ADAM10: variants seen among roughly 807,000 people sequenced by gnomAD.
ADAM10 encodes disintegrin and metalloproteinase domain-containing protein 10.
ADAM10 carries 17 observed loss-of-function variants against 90.1 expected under a neutral mutation model. That is an observed-to-expected ratio of 0.19 (90% CI 0.13 to 0.28). The LOEUF (loss-of-function observed/expected upper bound fraction) is 0.28. Among genes scored for constraint, ADAM10 ranks in the 10% least tolerant of loss-of-function variants. The probability of loss-of-function intolerance (pLI) is 1.00; values close to 1 mark genes in which losing one functional copy is unlikely to be tolerated. For synonymous variants in ADAM10, 310 were observed against 298.6 expected (o/e 1.04, Z -0.40); for missense variants, 610 against 914.3 (o/e 0.67, Z 4.29).
In ADAM10 at chr15:58,611,871, T is replaced by C. The variant is rs200174690; in HGVS notation, c.1632A>G (p.Pro544=). The C allele has an allele frequency of 2.5e-6, 4 of 1,614,216 alleles. No homozygotes were observed. The highest frequency in any genetic ancestry group is 3.4e-6 in the Non-Finnish European group (4 of 1,180,036). ...GICNGFTALC[P]ASDPKPNFTD... is the part of the protein sequence containing the mutation. ...TGAAGTTTGGTTTAGGGTCAGATGC[T>C]GGGCAGAGAGCTGTGAAGCCATTAC... is the stretch of plus-strand genomic sequence containing the variant. Residue 544 remains proline (P), a synonymous_variant, in exon 12 of 16, where the codon CCA becomes CCG. Coordinates refer to ENST00000260408, the MANE Select transcript of ADAM10 (RefSeq NM_001110.4).
intron 1 of ADAM10, among the ~76,000 whole-genome samples, chr15:58,737,703 T>C (rs1427529280): frequency 6.6e-6 from 1 of 152,194 alleles, no homozygotes; most frequent in Non-Finnish European, 1.5e-5. Flanking sequence ...CCATATTCCA[T>C]GGGTAGGTAG....
In ADAM10 at chr15:58,715,087, A is replaced by G. The variant is rs370506961; in HGVS notation, c.206+2490T>C. Among the ~76,000 whole-genome samples the G allele has an allele frequency of 5.3e-5, 8 of 152,292 alleles. No individual in the cohort carries two copies. In the East Asian group the frequency reaches 1.3e-3, roughly 26 times the overall value. On this transcript the variant is annotated intron_variant, in intron 2 of 15. Coordinates refer to ENST00000260408, the MANE Select transcript of ADAM10 (RefSeq NM_001110.4). ...AAATTGGATGAATTACAGAAAATAC[A>G]GTAAGTTTGTATAGTTAATTAAGCA...
intron 1 of ADAM10, among the ~76,000 whole-genome samples, chr15:58,723,259 C>CA (rs1355989082): frequency 6.6e-6 from 1 of 151,744 alleles, no homozygotes; most frequent in Non-Finnish European, 1.5e-5. Flanking sequence ...CTGGAATTCT[C>CA]AAAAAAATTA....
intron 8 of ADAM10, among the ~76,000 whole-genome samples, chr15:58,638,125 G>A (rs992283371): frequency 6.6e-6 from 1 of 152,024 alleles, no homozygotes; most frequent in Admixed American, 6.5e-5. Context: ...CCCCTCCCCA[G>A]CAGCTCTTAG....
At chr15:58,677,096 G>C (rs916895934) in intron 4 of ADAM10, among the ~76,000 whole-genome samples, 1 of 152,110 alleles carries the variant, frequency 6.6e-6, no homozygotes, top group African/African-American at 2.4e-5. Flanking sequence ...TTTTTAGGTA[G>C]TTTTTCACAA....
In ADAM10 at chr15:58,593,707, A is replaced by G. The variant is rs1283736233; in HGVS notation, c.*3840T>C. 1 of 150,852 alleles carries G rather than the reference A, an allele frequency of 6.6e-6. No individual in the cohort carries two copies. Among genetic ancestry groups the G allele is most frequent in the African/African-American group, 2.4e-5 (1 of 40,914 alleles). 9.3% of individuals were successfully genotyped at this position (150,852 alleles called of 1,614,324 possible). ...TTTAGTGTAGATTTCAGGAAAAAGC[A>G]AAAACTAATCAGTATTTTGCTCAAT... is the stretch of plus-strand genomic sequence containing the variant. On this transcript the variant is annotated 3_prime_UTR_variant, in exon 16 of 16. Transcript: ENST00000260408.
intron 5 of ADAM10, among the ~76,000 whole-genome samples, chr15:58,659,771 C>G (rs1328143204): frequency 6.6e-6 from 1 of 152,086 alleles, no homozygotes; most frequent in Non-Finnish European, 1.5e-5. Context: ...CTCTGTCGCC[C>G]AGGCTGGAGT....
chr15:58,688,952 T>C (rs1483085619), intron 2 of ADAM10, among the ~76,000 whole-genome samples: 2 of 125,072 alleles, frequency 1.6e-5, no homozygotes, highest in East Asian at 2.4e-4. Context: ...AAACAGTAAA[T>C]AAATAAAGAA....
chr15:58,647,248 A>ATTTCTTT lies in ADAM10; in HGVS notation c.586-1045_586-1044insAAAGAAA, dbSNP rs1162350060. On this transcript the variant is annotated intron_variant, in intron 5 of 15. Transcript: ENST00000260408. ...TGGCAGCAAAGAGTAGACACTAAGT[A>ATTTCTTT]TTTTTTTTTTTTTTTTTTTTTTTTT... Among the ~76,000 whole-genome samples the ATTTCTTT allele has an allele frequency of 7.2e-4, 43 of 59,600 alleles. 9 individuals are homozygous for ATTTCTTT. The highest frequency in any genetic ancestry group is 1.8e-3 in the African/African-American group (33 of 18,644). The allele number at this position is 59,600 out of a possible 152,430, so 39.1% of individuals were successfully genotyped here.
chr15:58,611,250 A>G, intron 12 of ADAM10, 143 bp from the exon 13 acceptor site: 1 of 674,230 alleles, frequency 1.5e-6, no homozygotes, highest in Non-Finnish European at 2.6e-6. Flanking sequence ...GATGAGTATC[A>G]AAACTGAATT....
intron 5 of ADAM10, among the ~76,000 whole-genome samples, chr15:58,664,647 T>A (rs1479376262): frequency 6.6e-6 from 1 of 151,996 alleles, no homozygotes; most frequent in Non-Finnish European, 1.5e-5. Flanking sequence ...CACCTATGAC[T>A]AAAGAAAAAG....
At chr15:58,724,000 G>C (rs894454122) in intron 1 of ADAM10, among the ~76,000 whole-genome samples, 3 of 152,044 alleles carry the variant, frequency 2.0e-5, no homozygotes, top group Non-Finnish European at 2.9e-5. Context: ...GGAGGCCGAG[G>C]CAGGTGGATC....
chr15:58,670,196 A>AC (rs1555416292), intron 4 of ADAM10, among the ~76,000 whole-genome samples: 1 of 150,932 alleles, frequency 6.6e-6, no homozygotes, highest in African/African-American at 2.5e-5. Flanking sequence ...TAAATCCTGT[A>AC]TTAAAAAAAA....
intron 2 of ADAM10, chr15:58,691,301 G>A (rs1469090589): frequency 1.6e-6 from 2 of 1,245,706 alleles, no homozygotes; most frequent in Non-Finnish European, 2.3e-6. Flanking sequence ...CTGACAGCAG[G>A]CTCTTCCCAT....
intron 15 of ADAM10, among the ~76,000 whole-genome samples, chr15:58,599,293 G>A (rs1895046534): frequency 6.6e-6 from 1 of 151,258 alleles, no homozygotes. Flanking sequence ...CATAATCATG[G>A]CAAGGGAATA....
In ADAM10 at chr15:58,679,223, G is replaced by C. The variant is rs745680649; in HGVS notation, c.385C>G (p.Gln129Glu). Residue 129 changes from glutamine to glutamate, a missense_variant, in exon 4 of 16, where the codon CAG becomes GAG. Coordinates refer to ENST00000260408, the MANE Select transcript of ADAM10 (RefSeq NM_001110.4). ...ACATAAAATGTGCCACCACGAGTCT[G>C]GATGAATCCTTCAAATCTTCCATCA... Reference protein sequence around the residue: ...VIDGRFEGFIQTRGGTFYVEP... With the variant: ...VIDGRFEGFIETRGGTFYVEP... The C allele has an allele frequency of 1.9e-6, 3 of 1,614,012 alleles. No individual in the cohort carries two copies. The highest frequency in any genetic ancestry group is 2.5e-6 in the Non-Finnish European group (3 of 1,179,984).
At chr15:58,613,800 G>A (rs953760798) in intron 11 of ADAM10, among the ~76,000 whole-genome samples, 4 of 152,152 alleles carry the variant, frequency 2.6e-5, no homozygotes, top group African/African-American at 9.7e-5. Flanking sequence ...ACACCACCAA[G>A]TGAATAAATT....
At chr15:58,605,076 A>G (rs1228215029) in intron 14 of ADAM10, among the ~76,000 whole-genome samples, 2 of 152,244 alleles carry the variant, frequency 1.3e-5, no homozygotes, top group African/African-American at 4.8e-5. Context: ...AGTACACGCT[A>G]TGGCAGTAAG....
intron 1 of ADAM10, among the ~76,000 whole-genome samples, chr15:58,722,138 A>C (rs1898875815): frequency 6.6e-6 from 1 of 152,038 alleles, no homozygotes; most frequent in South Asian, 2.1e-4. Flanking sequence ...TCAAGAGTTC[A>C]AGGCCAGCCT....
Sources: allele counts gnomAD v4.1 joint callset (sites outside exome capture counted in the v4.1 genomes callset), GRCh38; gene constraint gnomAD v4.1.1; transcripts MANE v1.5; gene names NCBI Gene and HGNC (gene_info 2026-07-23, HGNC 2026-07-21).